Variants in RHOJ observed in about 807,000 individuals in gnomAD.
RHOJ encodes the protein rho-related GTP-binding protein RhoJ.
In RHOJ, 11 loss-of-function variants were observed where a neutral mutation model predicts 23.4. The observed-to-expected ratio is 0.47, with a 90% CI of 0.30 to 0.78. RHOJ has a LOEUF of 0.78. RHOJ is among the 30% of genes least tolerant of loss of function. RHOJ has a pLI of 0.08. For missense variants in RHOJ, 254 were observed against 273.4 expected, an observed-to-expected ratio of 0.93 and a Z score of 0.50; for synonymous variants, 102 against 102.7, an observed-to-expected ratio of 0.99 and a Z score of 0.04.
At chr14:63,277,351 T>C (rs572268194) in intron 2 of RHOJ, among the ~76,000 whole-genome samples, 5 of 152,170 alleles carry the variant, frequency 3.3e-5, no homozygotes, top group Middle Eastern at 3.4e-3. Context: ...CCATTAATGT[T>C]GGAGATGATA....
At chr14:63,287,627 G>C (rs1233535614) in intron 4 of RHOJ, among the ~76,000 whole-genome samples, 1 of 136,580 alleles carries the variant, frequency 7.3e-6, no homozygotes, top group South Asian at 2.3e-4. Context: ...TATCACTCTT[G>C]TATCTTCTGT....
chr14:63,241,573 T>C (rs1894884203), intron 1 of RHOJ, among the ~76,000 whole-genome samples: 2 of 152,158 alleles, frequency 1.3e-5, no homozygotes, highest in South Asian at 4.1e-4. Context: ...TTATGTGCTT[T>C]CTGCAGCCTT....
intron 1 of RHOJ, among the ~76,000 whole-genome samples, chr14:63,223,147 C>T (rs562191038): frequency 6.6e-4 from 100 of 152,348 alleles, no homozygotes; most frequent in African/African-American, 2.4e-3. Flanking sequence ...GATGCTCCAT[C>T]TTGGAGGCAC....
At chr14:63,248,486 A>G (rs545528762) in intron 1 of RHOJ, among the ~76,000 whole-genome samples, 1 of 152,286 alleles carries the variant, frequency 6.6e-6, no homozygotes, top group East Asian at 1.9e-4. Context: ...TTGTCATTCT[A>G]AGGTATCCAG....
intron 1 of RHOJ, among the ~76,000 whole-genome samples, chr14:63,216,721 T>G (rs1233444596): frequency 6.6e-6 from 1 of 152,230 alleles, no homozygotes; most frequent in Admixed American, 6.5e-5. Flanking sequence ...AACACACTTT[T>G]AACCAAACTT....
At chr14:63,242,004 G>A (rs1393802426) in intron 1 of RHOJ, among the ~76,000 whole-genome samples, 1 of 152,202 alleles carries the variant, frequency 6.6e-6, no homozygotes, top group African/African-American at 2.4e-5. Context: ...GATGGTATGG[G>A]AGTGTATCCA....
chr14:63,208,612 C>A (rs1894164819), intron 1 of RHOJ, among the ~76,000 whole-genome samples: 1 of 152,076 alleles, frequency 6.6e-6, no homozygotes, highest in South Asian at 2.1e-4. Context: ...GTTTTGTTTC[C>A]ACTCAACAGC....
rs769016220 is a variant in RHOJ at position 63,204,928 on chromosome 14, A to T, written c.59A>T (p.Lys20Met). 1.2e-5 allele frequency: 20 copies of T among 1,614,040 alleles called. No individual in the cohort carries two copies. The highest frequency in any genetic ancestry group is 1.7e-5 in the Non-Finnish European group (20 of 1,180,020). ...SCGCRGNDEK[K>M]MLKCVVVGDG... Reference sequence around the variant, plus strand: ...GGCTGCAGGGGCAACGACGAGAAGAAGATGTTGAAGTGTGTGGTGGTGGGG... The same window carrying T: ...GGCTGCAGGGGCAACGACGAGAAGATGATGTTGAAGTGTGTGGTGGTGGGG... The change falls in exon 1 of 5, where the codon AAG becomes ATG. Residue 20 changes from lysine to methionine, a missense_variant. Coordinates refer to ENST00000316754, the MANE Select transcript of RHOJ (RefSeq NM_020663.5).
intron 2 of RHOJ, among the ~76,000 whole-genome samples, chr14:63,278,357 T>G (rs1031111465): frequency 6.6e-6 from 1 of 152,208 alleles, no homozygotes; most frequent in Non-Finnish European, 1.5e-5. Flanking sequence ...CTTAACATTC[T>G]AAGGTACTTC....
chr14:63,258,228 CAAAAAAA>C (rs1300550864), intron 1 of RHOJ, among the ~76,000 whole-genome samples: 1 of 69,038 alleles, frequency 1.4e-5, no homozygotes. Context: ...AACTCTGTCC[CAAAAAAA>C]AAAAAAAAAA....
intron 1 of RHOJ, among the ~76,000 whole-genome samples, chr14:63,252,363 G>A (rs1895086856): frequency 6.6e-6 from 1 of 152,116 alleles, no homozygotes; most frequent in Non-Finnish European, 1.5e-5. Context: ...AGAGGTCTGT[G>A]GATAAGCCAA....
At chr14:63,265,720 AG>A (rs1469794642) in intron 1 of RHOJ, among the ~76,000 whole-genome samples, 1 of 152,192 alleles carries the variant, frequency 6.6e-6, no homozygotes, top group African/African-American at 2.4e-5. Flanking sequence ...TATGCATTTT[AG>A]GGGGGGACAG....
intron 1 of RHOJ, among the ~76,000 whole-genome samples, chr14:63,268,181 A>ATATTT (rs923387198): frequency 6.1e-4 from 93 of 152,316 alleles, no homozygotes; most frequent in African/African-American, 2.2e-3. Context: ...ACTTTTCTTC[A>ATATTT]TATTTTATTT....
At chr14:63,256,271 G>A (rs1338049211) in intron 1 of RHOJ, among the ~76,000 whole-genome samples, 12 of 152,044 alleles carry the variant, frequency 7.9e-5, no homozygotes, top group Non-Finnish European at 1.5e-4. Flanking sequence ...TATGCCAACC[G>A]GGGGCCGGCA....
At chr14:63,256,727 C>T (rs926420502) in intron 1 of RHOJ, among the ~76,000 whole-genome samples, 9 of 152,240 alleles carry the variant, frequency 5.9e-5, no homozygotes, top group Admixed American at 2.6e-4. Context: ...ATCACGAGGT[C>T]GGGAGTTTAA....
intron 1 of RHOJ, among the ~76,000 whole-genome samples, chr14:63,257,134 G>A (rs1207121332): frequency 6.8e-6 from 1 of 147,456 alleles, no homozygotes. Context: ...GCTACTAAGG[G>A]GGCTGAGGCA....
chr14:63,250,896 G>A (rs551447788), intron 1 of RHOJ, among the ~76,000 whole-genome samples: 36 of 152,166 alleles, frequency 2.4e-4, no homozygotes, highest in African/African-American at 7.2e-4. Flanking sequence ...TTAGCTGGGC[G>A]TGATGGCAGG....
At chr14:63,208,216 T>C (rs1894155959) in intron 1 of RHOJ, among the ~76,000 whole-genome samples, 1 of 152,166 alleles carries the variant, frequency 6.6e-6, no homozygotes, top group Non-Finnish European at 1.5e-5. Flanking sequence ...AACGACCAGC[T>C]ACAAAAAACA....
At chr14:63,211,718 A>G (rs1028074494) in intron 1 of RHOJ, among the ~76,000 whole-genome samples, 1 of 152,186 alleles carries the variant, frequency 6.6e-6, no homozygotes, top group African/African-American at 2.4e-5. Context: ...TATTCCATCT[A>G]ACTGTATTTT....
Sources: gnomAD v4.1 joint callset for allele counts (sites outside exome capture counted in the v4.1 genomes callset) on GRCh38, gnomAD v4.1.1 for gene constraint, MANE v1.5 for transcripts, NCBI Gene and HGNC (gene_info 2026-07-23, HGNC 2026-07-21) for gene names.